The following RBM17 variants were observed in gnomAD, a reference collection of about 807,000 sequenced individuals.
The protein encoded by RBM17 is splicing factor 45.
In RBM17, 7 loss-of-function variants were observed where a neutral mutation model predicts 53.2. That is an observed-to-expected ratio of 0.13 (90% CI 0.07 to 0.25). RBM17 has a LOEUF of 0.25. RBM17 is among the 10% of genes least tolerant of loss of function. RBM17 has a pLI of 1.00. For missense variants in RBM17, 257 were observed against 496.7 expected (o/e 0.52, Z 4.59); for synonymous variants, 167 against 178.1 (o/e 0.94, Z 0.50).
rs753905482 is a variant in RBM17, at chr10:6,110,176, GT to G, written c.704+51del. 333 of 1,514,284 alleles carry G rather than the reference GT, an allele frequency of 2.2e-4. 1 individual carries two copies. The highest frequency in any genetic ancestry group is 2.7e-4 in the Non-Finnish European group (299 of 1,119,318). 93.8% of individuals were successfully genotyped at this position (1,514,284 alleles called of 1,614,324 possible). On this transcript the variant is annotated intron_variant, in intron 7 of 11. Coordinates refer to ENST00000379888, the MANE Select transcript of RBM17 (RefSeq NM_032905.5). ...AAGGACTTGAGAGACAGTGTGAAGCGTTGATAGCCCTTTCAATAGATGCAGC... is the reference window on the plus strand; with the variant it reads ...AAGGACTTGAGAGACAGTGTGAAGCGTGATAGCCCTTTCAATAGATGCAGC...
At chr10:6,108,088 G>A (rs921031739) in intron 5 of RBM17, among the ~76,000 whole-genome samples, 1 of 152,144 alleles carries the variant, frequency 6.6e-6, no homozygotes, top group African/African-American at 2.4e-5. Flanking sequence ...GTGACAACAC[G>A]CAGCAGTTTC....
intron 2 of RBM17, among the ~76,000 whole-genome samples, chr10:6,098,563 GTTTTTTTTTTTTTTT>G (rs398012715): frequency 2.1e-5 from 1 of 46,642 alleles, no homozygotes; most frequent in Non-Finnish European, 4.4e-5. Context: ...CAGGTTTTTT[GTTTTTTTTTTTTTTT>G]TTTTTTTTTT....
chr10:6,113,898 TACTA>T, intron 9 of RBM17, 147 bp from the exon 10 acceptor site: 1 of 615,056 alleles, frequency 1.6e-6, no homozygotes, highest in Non-Finnish European at 2.9e-6. Context: ...TTTTAAGAAA[TACTA>T]ACTTTTGGGT....
intron 2 of RBM17, among the ~76,000 whole-genome samples, chr10:6,099,203 C>T (rs1005470458): frequency 6.6e-6 from 1 of 151,690 alleles, no homozygotes; most frequent in Admixed American, 6.6e-5. Flanking sequence ...ATTTTTAAAA[C>T]TTGAGGTAGC....
At chr10:6,098,056 A>ACT (rs887452136) in intron 2 of RBM17, among the ~76,000 whole-genome samples, 1 of 151,606 alleles carries the variant, frequency 6.6e-6, no homozygotes, top group African/African-American at 2.4e-5. Flanking sequence ...CCTTGAAATA[A>ACT]CATGTAAAAC....
At chr10:6,091,279 G>A (rs1197716556) in intron 1 of RBM17, among the ~76,000 whole-genome samples, 3 of 152,040 alleles carry the variant, frequency 2.0e-5, no homozygotes, top group East Asian at 1.9e-4. Flanking sequence ...GGCTGGTCTC[G>A]AACTCCTGAT....
intron 1 of RBM17, among the ~76,000 whole-genome samples, chr10:6,095,503 C>A (rs1408106210): frequency 6.6e-6 from 1 of 152,126 alleles, no homozygotes; most frequent in Non-Finnish European, 1.5e-5. Context: ...CGTGAGCCAC[C>A]GTGCCTGACC....
intron 3 of RBM17, among the ~76,000 whole-genome samples, chr10:6,101,948 A>G (rs545203597): frequency 9.2e-5 from 14 of 152,218 alleles, no homozygotes; most frequent in African/African-American, 1.9e-4. Context: ...GATTCCAGTG[A>G]TTTTACATAT....
rs540683956 is a variant in RBM17 at position 6,114,003 on chromosome 10, G to A, written c.931-46G>A. 85 of 1,268,356 alleles carry A rather than the reference G, an allele frequency of 6.7e-5. No individual in the cohort carries two copies. In the South Asian group the frequency reaches 9.8e-4, roughly 15 times the overall value. 78.6% of individuals were successfully genotyped at this position (1,268,356 alleles called of 1,614,324 possible). ...ATTTATATACCTCTGCTAGGTGTTT[G>A]TAAGTTATACTTGGTACTTGAATTT... On this transcript the variant is annotated intron_variant, in intron 9 of 11. Coordinates refer to ENST00000379888, the MANE Select transcript of RBM17 (RefSeq NM_032905.5).
At chr10:6,106,083 G>C (rs554810344) in intron 4 of RBM17, 58 bp from the exon 5 acceptor site, 1 of 1,213,106 alleles carries the variant, frequency 8.2e-7, no homozygotes, top group Non-Finnish European at 1.2e-6. Context: ...GTCATCCCAG[G>C]TTCAGGTCTC....
At chr10:6,111,978 T>TC (rs1273703140) in intron 7 of RBM17, among the ~76,000 whole-genome samples, 1 of 152,140 alleles carries the variant, frequency 6.6e-6, no homozygotes, top group African/African-American at 2.4e-5. Flanking sequence ...ACATTTCCCC[T>TC]CCAAGACAAC....
chr10:6,109,826 A>C (rs1029561060), intron 6 of RBM17, among the ~76,000 whole-genome samples, 160 bp from the exon 7 acceptor site: 9 of 152,246 alleles, frequency 5.9e-5, no homozygotes, highest in Admixed American at 2.0e-4. Flanking sequence ...GGTTTTAAAA[A>C]AAGTCGTATA....
intron 7 of RBM17, among the ~76,000 whole-genome samples, chr10:6,110,810 G>A (rs1437270913): frequency 6.6e-6 from 1 of 152,166 alleles, no homozygotes; most frequent in Non-Finnish European, 1.5e-5. Flanking sequence ...ACAGTGAGTG[G>A]GGTTGAAACT....
At chr10:6,108,169 G>A (rs1459722467) in intron 5 of RBM17, among the ~76,000 whole-genome samples, 1 of 152,210 alleles carries the variant, frequency 6.6e-6, no homozygotes, top group Non-Finnish European at 1.5e-5. Flanking sequence ...TGGAAAAGGA[G>A]CGTGCTGTGT....
intron 7 of RBM17, among the ~76,000 whole-genome samples, chr10:6,111,472 T>G (rs562664061): frequency 5.9e-5 from 9 of 152,254 alleles, no homozygotes; most frequent in African/African-American, 2.2e-4. Context: ...GCCAAGTAGC[T>G]GGGACTACAG....
chr10:6,109,841 C>G, intron 6 of RBM17, 145 bp from the exon 7 acceptor site: 1 of 576,714 alleles, frequency 1.7e-6, no homozygotes, highest in South Asian at 3.6e-5. Flanking sequence ...CGTATAAAGG[C>G]TGTAAAATTG....
In RBM17 at chr10:6,110,008, A is replaced by G; in HGVS notation, c.585A>G (p.Glu195=). The change falls in exon 7 of 12, where the codon GAA becomes GAG. Residue 195 remains glutamate, a synonymous_variant. Coordinates refer to ENST00000379888, the MANE Select transcript of RBM17 (RefSeq NM_032905.5). ...TAGTACCCCGAGATTTTCCTTATGA[A>G]GAGGACTCAAGACCTCGATCACAGT... ...DKELPRDFPY[E]EDSRPRSQSS... is the part of the protein sequence containing the mutation. The G allele has an allele frequency of 6.2e-7, 1 of 1,609,888 alleles. No individual in the cohort carries two copies. Among genetic ancestry groups the G allele is most frequent in the East Asian group, 2.2e-5 (1 of 44,756 alleles).
chr10:6,110,708 G>C (rs1179915739), intron 7 of RBM17, among the ~76,000 whole-genome samples: 3 of 152,210 alleles, frequency 2.0e-5, no homozygotes, highest in African/African-American at 7.2e-5. Context: ...CTGTGAGACG[G>C]CTGTCCCATG....
At chr10:6,101,169 T>C (rs745669013) in intron 2 of RBM17, 102 bp from the exon 3 acceptor site, 2 of 580,724 alleles carry the variant, frequency 3.4e-6, no homozygotes, top group Non-Finnish European at 6.0e-6. Flanking sequence ...TTCTCATATC[T>C]CAAAGGTTTG....
Sources: allele counts gnomAD v4.1 joint callset (sites outside exome capture counted in the v4.1 genomes callset), GRCh38; gene constraint gnomAD v4.1.1; transcripts MANE v1.5; gene names NCBI Gene and HGNC (gene_info 2026-07-23, HGNC 2026-07-21).